Variants in ANO2 observed in about 807,000 individuals in gnomAD.
ANO2 encodes the protein anoctamin 2, also known as anoctamin-2.
A neutral mutation model predicts 124.2 loss-of-function variants in ANO2; 101 were observed. The ratio of observed to expected loss-of-function variants is 0.81; its 90% CI spans 0.69 to 0.96. The LOEUF is 0.96. Ranked by LOEUF, ANO2 falls within the 40% of genes least tolerant of loss-of-function variation. The probability of loss-of-function intolerance (pLI) is 0.00; values close to 1 mark genes in which losing one functional copy is unlikely to be tolerated. For synonymous variants in ANO2, 486 were observed against 482.5 expected (o/e 1.01, Z -0.09); for missense variants, 1,293 against 1,274.5 (o/e 1.01, Z -0.22).
rs146810385 is a variant in ANO2, at chr12:5,900,256, G to A, written c.534+20784C>T. Among the ~76,000 whole-genome samples the A allele has an allele frequency of 6.6e-6, 1 of 152,302 alleles. No homozygotes were observed. Among genetic ancestry groups the A allele is most frequent in the East Asian group, 1.9e-4 (1 of 5,188 alleles). On this transcript the variant is annotated intron_variant, in intron 3 of 24. Transcript: ENST00000682330. This position sits in a 1 kb window ranked among gnomAD's most constrained non-coding sequence, Gnocchi z 4.2. ...ATGCCCAGCTTCATCTTCTAGCTCT[G>A]GCTCAAGGTAAAGAGTGAGGAAAAA...
At chr12:5,578,035 C>T (rs749923524) in intron 21 of ANO2, 28 bp from the exon 22 acceptor site, 1 of 1,610,676 alleles carries the variant, frequency 6.2e-7, no homozygotes, top group Non-Finnish European at 8.5e-7. Context: ...CAGCGTCTGG[C>T]TCACTCCCGC....
intron 14 of ANO2, among the ~76,000 whole-genome samples, chr12:5,672,600 CACATGCATG>C (rs1274837537): frequency 2.0e-5 from 1 of 49,920 alleles, no homozygotes; most frequent in Non-Finnish European, 7.2e-5. Flanking sequence ...TGTGTGTGTG[CACATGCATG>C]TGTGTGTGCA....
chr12:5,825,214 C>A (rs1021807983), intron 7 of ANO2, among the ~76,000 whole-genome samples: 1 of 152,178 alleles, frequency 6.6e-6, no homozygotes, highest in Admixed American at 6.5e-5. Flanking sequence ...CTGGTCTTAC[C>A]ATGTTCCCCA....
chr12:5,766,371 G>A (rs751590918), intron 10 of ANO2, among the ~76,000 whole-genome samples: 9 of 152,200 alleles, frequency 5.9e-5, no homozygotes, highest in East Asian at 1.9e-4. Flanking sequence ...ATATAGCAAT[G>A]AGAATGAACA....
intron 20 of ANO2, among the ~76,000 whole-genome samples, chr12:5,584,668 G>A (rs1201917721): frequency 2.0e-5 from 3 of 152,206 alleles, no homozygotes; most frequent in South Asian, 2.1e-4. Context: ...CTTTTCCCAA[G>A]AGCAAGGGAA....
At chr12:5,914,161 C>T (rs986497247) in intron 3 of ANO2, among the ~76,000 whole-genome samples, 19 of 151,782 alleles carry the variant, frequency 1.3e-4, no homozygotes, top group Non-Finnish European at 2.5e-4. Context: ...GATTGCGCTA[C>T]TGCACTCCAG....
At chr12:5,795,257 A>G (rs1248061777) in intron 10 of ANO2, among the ~76,000 whole-genome samples, 1 of 152,228 alleles carries the variant, frequency 6.6e-6, no homozygotes, top group East Asian at 1.9e-4. Context: ...AACCCCATAG[A>G]GATCACTCTC....
intron 13 of ANO2, among the ~76,000 whole-genome samples, chr12:5,737,249 C>T (rs1473836565): frequency 6.6e-6 from 1 of 152,232 alleles, no homozygotes; most frequent in Non-Finnish European, 1.5e-5. Context: ...GAGATCCCAT[C>T]CGGAAAGTCT....
rs764740447 is a variant in ANO2 at position 5,922,696 on chromosome 12, C to G, written c.131G>C (p.Arg44Pro). 3.8e-6 allele frequency: 6 copies of G among 1,587,486 alleles called. No individual in the cohort carries two copies. Among genetic ancestry groups the G allele is most frequent in the Non-Finnish European group, 5.1e-6 (6 of 1,168,458 alleles). ...GQQCLKMPGP[R>P]APGLQGGSNR... The stretch of plus-strand genomic sequence containing the variant: ...GGAACCGCCCTGCAGACCTGGGGCC[C>G]GGGGACCTGGCATCTTGAGACACTG... Residue 44 changes from arginine to proline, a missense_variant, in exon 2 of 25, where the codon CGG becomes CCG. Arg to Pro is a moderately radical substitution (Grantham distance 103). Coordinates refer to ENST00000682330, the MANE Select transcript of ANO2 (RefSeq NM_001364791.2).
chr12:5,913,650 G>A (rs1941191006), intron 3 of ANO2, among the ~76,000 whole-genome samples: 1 of 152,198 alleles, frequency 6.6e-6, no homozygotes, highest in African/African-American at 2.4e-5. Context: ...ATCCCAGCAG[G>A]ACCCCTTAGT....
intron 19 of ANO2, among the ~76,000 whole-genome samples, chr12:5,609,666 G>C (rs948321536): frequency 1.3e-5 from 2 of 150,260 alleles, no homozygotes; most frequent in Non-Finnish European, 3.0e-5. Context: ...GTTCCATTCA[G>C]CCCAAGCAAC....
intron 10 of ANO2, among the ~76,000 whole-genome samples, chr12:5,782,383 T>C (rs1459408430): frequency 6.6e-6 from 1 of 152,186 alleles, no homozygotes; most frequent in Non-Finnish European, 1.5e-5. Context: ...TTTTATTAAA[T>C]CTGGCAATTT....
chr12:5,858,817 G>C (rs1216613716), intron 3 of ANO2: 1 of 152,214 alleles, frequency 6.6e-6, no homozygotes, highest in East Asian at 1.9e-4. Flanking sequence ...TATTCTTCAA[G>C]CACCTAGCAC....
At chr12:5,943,453 T>C (rs550788970) in intron 1 of ANO2, among the ~76,000 whole-genome samples, 2 of 152,278 alleles carry the variant, frequency 1.3e-5, no homozygotes, top group East Asian at 1.9e-4. Flanking sequence ...GTGGGAGTTA[T>C]GCTATGAGGA....
rs1941506866 is a variant in ANO2 at position 5,918,462 on chromosome 12, CAG to C, written c.534+2576_534+2577del. 3.0e-5 allele frequency among the ~76,000 whole-genome samples: 4 copies of C among 135,112 alleles called. No homozygotes were observed. In the Middle Eastern group the frequency reaches 0.018, roughly 593 times the overall value. 88.6% of individuals were successfully genotyped at this position (135,112 alleles called of 152,430 possible). On this transcript the variant is annotated intron_variant, in intron 3 of 24. Transcript: ENST00000682330. ...TCTTTTTTTTTTTTTTTTTTTGAGACAGAGTCTCCCTCTGTCGCCCAGGCTGG... is the reference window on the plus strand; with the variant it reads ...TCTTTTTTTTTTTTTTTTTTTGAGACAGTCTCCCTCTGTCGCCCAGGCTGG...
intron 3 of ANO2, among the ~76,000 whole-genome samples, chr12:5,918,332 G>A (rs1179560649): frequency 2.0e-5 from 3 of 152,286 alleles, no homozygotes; most frequent in East Asian, 1.9e-4. Context: ...CCAGCACCAT[G>A]AGGCATGAGC....
At chr12:5,597,082 T>TGTTTATGTTTTATG (rs1441796283) in intron 20 of ANO2, among the ~76,000 whole-genome samples, 1 of 152,146 alleles carries the variant, frequency 6.6e-6, no homozygotes, top group Non-Finnish European at 1.5e-5. Flanking sequence ...CTTTGTTGTA[T>TGTTTATGTTTTATG]TTTAATGTTT....
intron 10 of ANO2, among the ~76,000 whole-genome samples, chr12:5,772,863 C>T (rs1952123297): frequency 6.6e-6 from 1 of 152,246 alleles, no homozygotes; most frequent in Non-Finnish European, 1.5e-5. Flanking sequence ...TAGCCACTCC[C>T]AAGGGAGTCC....
chr12:5,737,637 G>A (rs541293367), intron 13 of ANO2, among the ~76,000 whole-genome samples: 3 of 152,110 alleles, frequency 2.0e-5, no homozygotes, highest in South Asian at 2.1e-4. Flanking sequence ...CGGCATTAGC[G>A]GAGTAGGCAC....
Sources: allele counts gnomAD v4.1 joint callset (sites outside exome capture counted in the v4.1 genomes callset), GRCh38; gene constraint gnomAD v4.1.1; non-coding constraint Gnocchi (gnomAD v3.1); transcripts MANE v1.5; gene names NCBI Gene and HGNC (gene_info 2026-07-23, HGNC 2026-07-21).